FHOD3: variants seen among roughly 807,000 people sequenced by gnomAD.
FHOD3 encodes FH1/FH2 domain-containing protein 3.
In FHOD3, 90 loss-of-function variants were observed where a neutral mutation model predicts 173.0. The ratio of observed to expected loss-of-function variants is 0.52; its 90% CI spans 0.44 to 0.62. The LOEUF is 0.62. Ranked by LOEUF, FHOD3 falls within the 20% of genes least tolerant of loss-of-function variation. The probability of loss-of-function intolerance (pLI) is 0.00; values close to 1 mark genes in which losing one functional copy is unlikely to be tolerated. For missense variants in FHOD3, 1,945 were observed against 2,034.7 expected (o/e 0.96, Z 0.85); for synonymous variants, 828 against 823.0 (o/e 1.01, Z -0.10).
intron 16 of FHOD3, among the ~76,000 whole-genome samples, chr18:36,687,813 A>G (rs761549987): frequency 3.3e-5 from 5 of 152,190 alleles, no homozygotes; most frequent in Admixed American, 6.5e-5. Flanking sequence ...TCTTTTTTTC[A>G]TTTTAAAAAC....
chr18:36,421,656 T>C (rs1329319322), intron 3 of FHOD3, among the ~76,000 whole-genome samples: 2 of 152,208 alleles, frequency 1.3e-5, no homozygotes, highest in African/African-American at 2.4e-5. Context: ...GCTGGCAGAT[T>C]TTTTGAAATA....
At chr18:36,344,547 A>G (rs754118138) in intron 1 of FHOD3, among the ~76,000 whole-genome samples, 9 of 152,332 alleles carry the variant, frequency 5.9e-5, no homozygotes, top group Non-Finnish European at 1.0e-4. Flanking sequence ...TAAAAGGCTT[A>G]ATAAAAGAAT....
At chr18:36,507,599 C>T (rs1427586667) in intron 4 of FHOD3, among the ~76,000 whole-genome samples, 1 of 152,176 alleles carries the variant, frequency 6.6e-6, no homozygotes, top group Non-Finnish European at 1.5e-5. Context: ...ACTACTTAAA[C>T]TATAAATGAA....
chr18:36,748,910 C>T (rs977748052), intron 24 of FHOD3, among the ~76,000 whole-genome samples: 9 of 151,982 alleles, frequency 5.9e-5, no homozygotes, highest in Non-Finnish European at 1.3e-4. Context: ...CTCCCACCAA[C>T]AGTCCTCAGG....
chr18:36,547,431 A>T (rs931909736), intron 5 of FHOD3, among the ~76,000 whole-genome samples: 1 of 152,124 alleles, frequency 6.6e-6, no homozygotes, highest in African/African-American at 2.4e-5. Context: ...TCACAGGTTA[A>T]ACCATCTCAT....
intron 4 of FHOD3, among the ~76,000 whole-genome samples, chr18:36,503,093 C>T (rs1208640636): frequency 6.6e-6 from 1 of 152,142 alleles, no homozygotes; most frequent in Admixed American, 6.5e-5. Context: ...TCCATAGTAT[C>T]GTTGCCTCCT....
chr18:36,621,570 A>T (rs1000431555), intron 9 of FHOD3, among the ~76,000 whole-genome samples: 1 of 152,146 alleles, frequency 6.6e-6, no homozygotes, highest in Non-Finnish European at 1.5e-5. Context: ...CCTAGCCCAC[A>T]TGTCTTCCCA....
chr18:36,593,477 G>T (rs1002135934), intron 6 of FHOD3, among the ~76,000 whole-genome samples: 1 of 152,162 alleles, frequency 6.6e-6, no homozygotes, highest in Non-Finnish European at 1.5e-5. Context: ...GAATGACTTG[G>T]GGTGAGTGGT....
intron 3 of FHOD3, among the ~76,000 whole-genome samples, chr18:36,418,228 T>C (rs2049779013): frequency 6.6e-6 from 1 of 152,224 alleles, no homozygotes; most frequent in Non-Finnish European, 1.5e-5. Flanking sequence ...AGAGTGGTTG[T>C]GGTGATCTGA....
chr18:36,574,945 A>C (rs999907694), intron 5 of FHOD3, among the ~76,000 whole-genome samples: 2 of 151,760 alleles, frequency 1.3e-5, no homozygotes, highest in Admixed American at 6.6e-5. Flanking sequence ...TCTCAGAATA[A>C]TGTGGTTTTC....
intron 15 of FHOD3, among the ~76,000 whole-genome samples, chr18:36,685,596 G>C (rs1168563641): frequency 6.6e-6 from 1 of 152,188 alleles, no homozygotes; most frequent in Non-Finnish European, 1.5e-5. Flanking sequence ...AAAGTGATGA[G>C]GTTGGATGTT....
chr18:36,451,488 A>C (rs961653774), intron 3 of FHOD3, among the ~76,000 whole-genome samples: 15 of 152,182 alleles, frequency 9.9e-5, no homozygotes, highest in Admixed American at 5.2e-4. Context: ...TTGGAACTCA[A>C]AGCTGCCAGA....
chr18:36,538,088 C>A (rs1201839063), intron 5 of FHOD3, among the ~76,000 whole-genome samples: 2 of 152,120 alleles, frequency 1.3e-5, no homozygotes, highest in Non-Finnish European at 2.9e-5. Context: ...AAACACCCTT[C>A]TAAATAATCC....
At chr18:36,554,196 A>G (rs1467455051) in intron 5 of FHOD3, among the ~76,000 whole-genome samples, 1 of 152,192 alleles carries the variant, frequency 6.6e-6, no homozygotes, top group Non-Finnish European at 1.5e-5. Context: ...ATGTATGTTT[A>G]TTGTGGCACT....
intron 3 of FHOD3, among the ~76,000 whole-genome samples, chr18:36,487,769 T>C (rs1034840361): frequency 2.6e-5 from 4 of 152,196 alleles, no homozygotes; most frequent in African/African-American, 9.7e-5. Flanking sequence ...TTTTTTTGTT[T>C]TCACTGAGAC....
At chr18:36,557,156 T>G (rs1311456827) in intron 5 of FHOD3, among the ~76,000 whole-genome samples, 1 of 152,190 alleles carries the variant, frequency 6.6e-6, no homozygotes, top group Admixed American at 6.5e-5. Context: ...TTTCTTCTAA[T>G]TGTGGCTTGT....
In FHOD3 at chr18:36,763,042, G is replaced by A. The variant is rs1004964636; in HGVS notation, c.4624+2260G>A. Among the ~76,000 whole-genome samples, 24 of 129,034 alleles carry A rather than the reference G, an allele frequency of 1.9e-4. No individual in the cohort carries two copies. The South Asian group carries it at 2.3e-3, about 13-fold the overall frequency. 84.7% of individuals were successfully genotyped at this position (129,034 alleles called of 152,430 possible). ...ATTATACACTTTATATATAATATGC[G>A]TATTATACACGTTATATATAATATG... On this transcript the variant is annotated intron_variant, in intron 27 of 28. Transcript: ENST00000590592.
intron 3 of FHOD3, among the ~76,000 whole-genome samples, chr18:36,490,631 A>C (rs1441819683): frequency 3.9e-5 from 6 of 152,164 alleles, no homozygotes; most frequent in African/African-American, 1.4e-4. Context: ...CCTTCATTTG[A>C]CACCTTTCTG....
At chr18:36,704,999 C>T (rs1420241317) in intron 17 of FHOD3, among the ~76,000 whole-genome samples, 1 of 54 alleles carries the variant, frequency 0.019, no homozygotes, top group East Asian at 0.5. Context: ...CTGTCTCTCT[C>T]TCTAAGGTTT....
Sources: allele counts gnomAD v4.1 joint callset (sites outside exome capture counted in the v4.1 genomes callset), GRCh38; gene constraint gnomAD v4.1.1; transcripts MANE v1.5; gene names NCBI Gene and HGNC (gene_info 2026-07-23, HGNC 2026-07-21).